ITGAE: variants seen among roughly 807,000 people sequenced by gnomAD.
ITGAE encodes integrin alpha-E.
Under a neutral mutation model 136.5 loss-of-function variants are expected in ITGAE, and 99 were observed. The observed-to-expected ratio is 0.73, with a 90% CI of 0.62 to 0.86. ITGAE has a LOEUF of 0.86. ITGAE is among the 40% of genes least tolerant of loss of function. The pLI is 0.00. For missense variants in ITGAE, 1,447 were observed against 1,515.3 expected (o/e 0.95, Z 0.75); for synonymous variants, 613 against 591.8 (o/e 1.04, Z -0.52).
intron 19 of ITGAE, among the ~76,000 whole-genome samples, chr17:3,741,263 A>G (rs1257994513): frequency 7.8e-6 from 1 of 127,604 alleles, no homozygotes; most frequent in Non-Finnish European, 1.7e-5. Context: ...TTTTTTTTGT[A>G]TTTTTAGTAG....
chr17:3,764,548 T>G (rs1056522530), intron 2 of ITGAE, among the ~76,000 whole-genome samples: 1 of 152,038 alleles, frequency 6.6e-6, no homozygotes, highest in African/African-American at 2.4e-5. Context: ...AATACAAAAA[T>G]TAGCCGGGCA....
chr17:3,795,377 C>G (rs955841205), intron 1 of ITGAE, among the ~76,000 whole-genome samples: 2 of 152,228 alleles, frequency 1.3e-5, no homozygotes, highest in Admixed American at 1.3e-4. Context: ...CCTTTCCTCA[C>G]GCCACCCCAC....
intron 2 of ITGAE, among the ~76,000 whole-genome samples, chr17:3,772,957 C>G (rs764292990): frequency 6.6e-6 from 1 of 152,154 alleles, no homozygotes. Flanking sequence ...AAGGTCCTCA[C>G]GTTCAACTCA....
intron 1 of ITGAE, among the ~76,000 whole-genome samples, chr17:3,781,931 T>C (rs964801886): frequency 1.9e-4 from 29 of 152,124 alleles, no homozygotes; most frequent in African/African-American, 6.5e-4. Flanking sequence ...TTTCAAGACT[T>C]GTACTTCTGG....
intron 2 of ITGAE, among the ~76,000 whole-genome samples, chr17:3,767,585 G>A (rs1298040757): frequency 2.6e-5 from 4 of 152,060 alleles, no homozygotes; most frequent in Non-Finnish European, 5.9e-5. Context: ...TTCCATCATC[G>A]TCCTGCCTTG....
chr17:3,793,269 G>A (rs550546970), intron 1 of ITGAE, among the ~76,000 whole-genome samples: 13 of 152,154 alleles, frequency 8.5e-5, no homozygotes, highest in African/African-American at 2.9e-4. Context: ...GGCCAGGCTG[G>A]TCTCCATCTC....
At chr17:3,765,711 T>C (rs1213218451) in intron 2 of ITGAE, among the ~76,000 whole-genome samples, 1 of 152,074 alleles carries the variant, frequency 6.6e-6, no homozygotes, top group Non-Finnish European at 1.5e-5. Context: ...AGTAACCATC[T>C]CCTTCGAACA....
At chr17:3,742,456 G>GT (rs568033494) in intron 19 of ITGAE, among the ~76,000 whole-genome samples, 80,684 of 134,058 alleles carry the variant, frequency 0.6, 25,591 homozygotes, top group African/African-American at 0.82. Context: ...AAGGTTTGTG[G>GT]TTTTTTTTTT....
rs142671930 is a variant in ITGAE, at chr17:3,775,690, G to A, written c.155+1850C>T. On this transcript the variant is annotated intron_variant, in intron 2 of 30. Coordinates refer to ENST00000263087, the MANE Select transcript of ITGAE (RefSeq NM_002208.5). ...CGCCAGGTTGGCCAGCCTAGGTCTC[G>A]AATTCCTGACCTCAGGTGATCCACC... Among the ~76,000 whole-genome samples, 1,133 of 151,392 alleles carry A rather than the reference G, an allele frequency of 7.5e-3. 15 individuals are homozygous for A. The highest frequency in any genetic ancestry group is 0.026 in the African/African-American group (1,090 of 41,176).
chr17:3,746,439 TTC>T, intron 17 of ITGAE, among the ~76,000 whole-genome samples: 1 of 151,676 alleles, frequency 6.6e-6, no homozygotes, highest in East Asian at 1.9e-4. Flanking sequence ...GTCTGTTATT[TTC>T]TTTTTTTTTT....
chr17:3,723,397 G>A lies in ITGAE; in HGVS notation c.3142-14C>T, dbSNP rs746312597. On this transcript the variant is annotated splice_polypyrimidine_tract_variant and intron_variant, in intron 27 of 30. Transcript: ENST00000263087. ...TTCTTCCACATGCTGGAAAAGCGAG[G>A]TCTAGTGAACACAATTCCTTTCCGT... is the stretch of plus-strand genomic sequence containing the variant. The A allele has an allele frequency of 1.9e-6, 3 of 1,577,576 alleles. No homozygotes were observed. The highest frequency in any genetic ancestry group is 2.2e-5 in the East Asian group (1 of 44,708).
At chr17:3,793,922 G>C (rs561059953) in intron 1 of ITGAE, among the ~76,000 whole-genome samples, 1 of 149,990 alleles carries the variant, frequency 6.7e-6, no homozygotes, top group South Asian at 2.1e-4. Flanking sequence ...TCCTCCCCTT[G>C]CCTGATTGAA....
chr17:3,750,850 C>A (rs2051847632), intron 15 of ITGAE, among the ~76,000 whole-genome samples: 1 of 151,374 alleles, frequency 6.6e-6, no homozygotes, highest in African/African-American at 2.4e-5. Context: ...TTTGAAGTGA[C>A]ATAATCAGGA....
chr17:3,732,617 C>T, intron 21 of ITGAE, 151 bp from the exon 22 acceptor site: 1 of 662,998 alleles, frequency 1.5e-6, no homozygotes, highest in Non-Finnish European at 2.7e-6. Context: ...CACTTGGTCC[C>T]TGTCTTCCTC....
chr17:3,760,472 C>T (rs1212304820), intron 6 of ITGAE, among the ~76,000 whole-genome samples, 185 bp from the exon 7 acceptor site: 4 of 111,464 alleles, frequency 3.6e-5, no homozygotes, highest in African/African-American at 1.4e-4. Context: ...CAGAGCTTCA[C>T]TCTGTTGCCC....
Position 3,715,643 on chromosome 17 carries a change from C to T in ITGAE, c.3445-701G>A, listed in dbSNP as rs1229819560. Among the ~76,000 whole-genome samples, 3 of 152,142 alleles carry T rather than the reference C, an allele frequency of 2.0e-5. No homozygotes were observed. The East Asian group carries it at 5.8e-4, about 29-fold the overall frequency. ...CAAGATGAGAAGATGGCTCGAGCCCCGGAGTTTGAGACCAGCCTGGGCAAT... is the reference window on the plus strand; with the variant it reads ...CAAGATGAGAAGATGGCTCGAGCCCTGGAGTTTGAGACCAGCCTGGGCAAT... On this transcript the variant is annotated intron_variant, in intron 30 of 30. Coordinates refer to ENST00000263087, the MANE Select transcript of ITGAE (RefSeq NM_002208.5).
rs772616147 is a variant in ITGAE, at chr17:3,755,149, G to C, written c.1352C>G (p.Ala451Gly). 1.4e-6 allele frequency: 2 copies of C among 1,456,820 alleles called. No individual in the cohort carries two copies. The highest frequency in any genetic ancestry group is 1.9e-5 in the Admixed American group (1 of 51,392). The allele number at this position is 1,456,820 out of a possible 1,614,324, so 90.2% of individuals were successfully genotyped here. The change falls in exon 12 of 31, where the codon GCA becomes GGA. Residue 451 changes from alanine to glycine, a missense_variant. By Grantham distance (60) the Ala-to-Gly change is moderately conservative. Around this residue, in one of 3 missense-constraint regions of ITGAE, gnomAD observed 1,031 missense variants for 1,011.4 expected, o/e 1.02. Coordinates refer to ENST00000263087, the MANE Select transcript of ITGAE (RefSeq NM_002208.5). ...RFLNQTAAAA[A>G]DAEAAQYSYL... ...GCTGTACTGCGCAGCCTCCGCGTCT[G>C]CCGCCGCCGCCGCTGTCTGGTTCAG...
At chr17:3,725,267 A>G (rs1438919256) in intron 26 of ITGAE, 1 of 1,614,206 alleles carries the variant, frequency 6.2e-7, no homozygotes, top group East Asian at 2.2e-5. Flanking sequence ...TGTATTTGCT[A>G]AGCCCCTTAA....
Position 3,753,837 on chromosome 17 carries a change from C to A in ITGAE, c.1473G>T (p.Glu491Asp), listed in dbSNP as rs552236872. 6.2e-7 allele frequency: 1 copy of A among 1,614,206 alleles called. No individual in the cohort carries two copies. Among genetic ancestry groups the A allele is most frequent in the Admixed American group, 1.7e-5 (1 of 60,032 alleles). Residue 491 changes from glutamate to aspartate, a missense_variant, in exon 13 of 31, where the codon GAG becomes GAT. Physicochemically the swap from Glu to Asp is conservative, Grantham distance 45 (BLOSUM62 2). Coordinates refer to ENST00000263087, the MANE Select transcript of ITGAE (RefSeq NM_002208.5). ...TGGCCTCTCTGCCCTCCTTCTGGAG[C>A]TCAAACACGGCCCCATGATGTTTGT... ...PRYKHHGAVF[E>D]LQKEGREASF...
Sources: allele counts gnomAD v4.1 joint callset (sites outside exome capture counted in the v4.1 genomes callset), GRCh38; gene constraint gnomAD v4.1.1; regional missense constraint gnomAD v4.1.1; transcripts MANE v1.5; gene names NCBI Gene and HGNC (gene_info 2026-07-23, HGNC 2026-07-21).